EMC10: variants seen among roughly 807,000 people sequenced by gnomAD.
EMC10 encodes the protein ER membrane protein complex subunit 10.
A neutral mutation model predicts 32.2 loss-of-function variants in EMC10; 40 were observed. The ratio of observed to expected loss-of-function variants is 1.24; its 90% CI spans 0.96 to 1.61. The LOEUF (loss-of-function observed/expected upper bound fraction) is 1.61. Ranked by LOEUF, EMC10 falls within the 40% of genes most tolerant of loss-of-function variation. The pLI is 0.00. For synonymous variants in EMC10, 178 were observed against 158.4 expected (o/e 1.12, Z -0.93); for missense variants, 402 against 357.7 (o/e 1.12, Z -1.00).
rs1328408638 is a variant in EMC10, at chr19:50,480,025, G to A, written c.298-86G>A. ...CGTGAGGTGGGTGGGGCTGGAGAGG[G>A]GCCTTCGCGGAGGCCTGGTGGGCAT... On this transcript the variant is annotated intron_variant, in intron 3 of 6. Coordinates refer to ENST00000334976, the MANE Select transcript of EMC10 (RefSeq NM_206538.4). This position sits in a 1 kb window ranked among gnomAD's most constrained non-coding sequence, Gnocchi z 4.4. 1 of 1,075,948 alleles carries A rather than the reference G, an allele frequency of 9.3e-7. No individual in the cohort carries two copies. Among genetic ancestry groups the A allele is most frequent in the East Asian group, 2.6e-5 (1 of 37,760 alleles). The allele number at this position is 1,075,948 out of a possible 1,614,324, so 66.7% of individuals were successfully genotyped here. A position where few individuals can be genotyped will look rare whatever the true frequency, so the allele number is the denominator to read the frequency against.
At chr19:50,479,168 C>T (rs2040278569) in intron 3 of EMC10, 102 bp downstream of exon 3, 4 of 885,732 alleles carry the variant, frequency 4.5e-6, no homozygotes, top group Non-Finnish European at 7.0e-6. Flanking sequence ...CCCTCCAGGC[C>T]CAGGTGGGCT....
chr19:50,481,974 C>T (rs780400883), intron 6 of EMC10, 175 bp from the exon 7 acceptor site: 1 of 1,606,260 alleles, frequency 6.2e-7, no homozygotes, highest in Non-Finnish European at 8.5e-7. Flanking sequence ...CTGCCCCTCC[C>T]TGCGCCCCAC....
At chr19:50,481,808 C>T in intron 6 of EMC10, 1 of 1,482,070 alleles carries the variant, frequency 6.7e-7, no homozygotes, top group East Asian at 2.5e-5. Flanking sequence ...CCTGCTGGCC[C>T]TCAGGCCCCA....
In EMC10 at chr19:50,479,028, C is replaced by G. The variant is rs1008544115; in HGVS notation, c.259C>G (p.Gln87Glu). 6.2e-7 allele frequency: 1 copy of G among 1,610,422 alleles called. No homozygotes were observed. Among genetic ancestry groups the G allele is most frequent in the Non-Finnish European group, 8.5e-7 (1 of 1,179,236 alleles). The change falls in exon 3 of 7, where the codon CAG becomes GAG. Residue 87 changes from glutamine to glutamate, a missense_variant. Transcript: ENST00000334976. ...NQQDGTLSLS[Q>E]RQLSEEERGR... Reference sequence around the variant, plus strand: ...GCAGGATGGTACCTTGTCCCTGTCACAGCGGCAGCTCAGCGAGGAGGAGCG... The same window carrying G: ...GCAGGATGGTACCTTGTCCCTGTCAGAGCGGCAGCTCAGCGAGGAGGAGCG...
chr19:50,476,708 G>A (rs1361372129), intron 1 of EMC10, 50 bp downstream of exon 1: 24 of 1,189,052 alleles, frequency 2.0e-5, no homozygotes, highest in Non-Finnish European at 2.7e-5. Flanking sequence ...GGATGTCGCA[G>A]GTCTTGGGTC....
rs757900491 is a variant in EMC10 at position 50,476,519 on chromosome 19, C to T, written c.-26C>T. 9.6e-6 allele frequency: 15 copies of T among 1,569,354 alleles called. No homozygotes were observed. The highest frequency in any genetic ancestry group is 9.4e-5 in the East Asian group (4 of 42,472). ...TCCGCGGCTCTTGGCTCACAGCCGT[C>T]CCTTCGCTGGTGGGAAGAAGCCGAG... On this transcript the variant is annotated 5_prime_UTR_variant, in exon 1 of 7. Transcript: ENST00000334976.
At position 50,480,541 on chromosome 19, in the gene EMC10, A is replaced by C. The variant is rs2122660574; in HGVS notation, c.403-40A>C. 1 of 1,542,172 alleles carries C rather than the reference A, an allele frequency of 6.5e-7. No individual in the cohort carries two copies. The highest frequency in any genetic ancestry group is 2.4e-5 in the East Asian group (1 of 40,852). ...GGGGAGGTTAGGGTGGAGCCCAGGC[A>C]GCAGGCTCCCCACCTCCACTGACCC... On this transcript the variant is annotated intron_variant, in intron 4 of 6. Transcript: ENST00000334976. The surrounding 1 kb of genome is among the most constrained non-coding windows in gnomAD (Gnocchi z 4.4).
Position 50,480,191 on chromosome 19 carries a change from C to T in EMC10, c.378C>T (p.Gly126=), listed in dbSNP as rs2040295056. 6.2e-7 allele frequency: 1 copy of T among 1,613,912 alleles called. No homozygotes were observed. The highest frequency in any genetic ancestry group is 8.5e-7 in the Non-Finnish European group (1 of 1,179,942). The change falls in exon 4 of 7, where the codon GGC becomes GGT. Residue 126 remains glycine (G), a synonymous_variant. Transcript: ENST00000334976. This position sits in a 1 kb window ranked among gnomAD's most constrained non-coding sequence, Gnocchi z 4.4. ...CCCTGGATGGCCTGGAAGCTGGTGG[C>T]TATGTCTCCTCCTTTGTCCCTGCGG... ...PGALDGLEAG[G]YVSSFVPACS...
Position 50,482,567 on chromosome 19 carries a change from C to G in EMC10, c.*308C>G. 7 of 532,692 alleles carry G rather than the reference C, an allele frequency of 1.3e-5. No homozygotes were observed. Among genetic ancestry groups the G allele is most frequent in the Non-Finnish European group, 2.3e-5 (7 of 303,390 alleles). The allele number at this position is 532,692 out of a possible 1,614,324, so 33.0% of individuals were successfully genotyped here. The stretch of plus-strand genomic sequence containing the variant: ...TCCTGGCCACTATGCCAGTTCTGAC[C>G]TCGCATCCCCCTACCCCGAGCCCAT... On this transcript the variant is annotated 3_prime_UTR_variant, in exon 7 of 7. Transcript: ENST00000334976.
chr19:50,482,437 G>T lies in EMC10; in HGVS notation c.*178G>T. ...CCTTCTGCTGGCAGAGGAGCAGCTG[G>T]ACTGGGGCCTTTGGCACAGCAGCCG... On this transcript the variant is annotated 3_prime_UTR_variant, in exon 7 of 7. Coordinates refer to ENST00000334976, the MANE Select transcript of EMC10 (RefSeq NM_206538.4). The T allele has an allele frequency of 1.7e-6, 1 of 591,840 alleles. No homozygotes were observed. Among genetic ancestry groups the T allele is most frequent in the South Asian group, 2.0e-5 (1 of 49,680 alleles). 36.7% of individuals were successfully genotyped at this position (591,840 alleles called of 1,614,324 possible). A position where few individuals can be genotyped will look rare whatever the true frequency, so the allele number is the denominator to read the frequency against.
intron 6 of EMC10, chr19:50,481,931 C>A (rs370195879): frequency 6.2e-7 from 1 of 1,607,078 alleles, no homozygotes; most frequent in Admixed American, 1.7e-5. Flanking sequence ...CCCGCGCCAC[C>A]GCCACAGGAG....
Position 50,480,498 on chromosome 19 carries a change from G to C in EMC10, c.403-83G>C. On this transcript the variant is annotated intron_variant, in intron 4 of 6. Transcript: ENST00000334976. The surrounding 1 kb of genome is among the most constrained non-coding windows in gnomAD (Gnocchi z 4.4). ...GAAGGTTTTGAAAAATGCTCCGGGG[G>C]TCCTGTGGTGGGGGCCGGGGGAGGT... 1 of 1,468,132 alleles carries C rather than the reference G, an allele frequency of 6.8e-7. No individual in the cohort carries two copies. The highest frequency in any genetic ancestry group is 9.2e-7 in the Non-Finnish European group (1 of 1,089,588). The allele number at this position is 1,468,132 out of a possible 1,614,324, so 90.9% of individuals were successfully genotyped here.
chr19:50,481,080 T>G, intron 6 of EMC10, 103 bp downstream of exon 6: 1 of 854,760 alleles, frequency 1.2e-6, no homozygotes. Context: ...TGCTCGGGCC[T>G]GCTCCTTGTC....
chr19:50,482,721 T>C lies in EMC10; in HGVS notation c.*462T>C, dbSNP rs922199805. On this transcript the variant is annotated 3_prime_UTR_variant, in exon 7 of 7. Transcript: ENST00000334976. Reference sequence around the variant, plus strand: ...TGCAGCGCCCCCCTCACTTTGACACTGGACTAGGATGCAGCCTCCCTTCTG... The same window carrying C: ...TGCAGCGCCCCCCTCACTTTGACACCGGACTAGGATGCAGCCTCCCTTCTG... The C allele has an allele frequency of 4.4e-5, 21 of 476,038 alleles. No individual in the cohort carries two copies. In the Admixed American group the frequency reaches 4.9e-4, roughly 11 times the overall value. The allele number at this position is 476,038 out of a possible 1,614,324, so 29.5% of individuals were successfully genotyped here.
intron 1 of EMC10, chr19:50,476,908 C>A: frequency 2.8e-6 from 1 of 360,848 alleles, no homozygotes; most frequent in Non-Finnish European, 5.0e-6. Context: ...TATGAGGGGG[C>A]GGGGCTGGGG....
In EMC10 at chr19:50,490,669, T is replaced by G. The variant is rs1978587813; in HGVS notation, c.*8410T>G. The G allele has an allele frequency of 6.6e-6, 1 of 152,064 alleles. No homozygotes were observed. Among genetic ancestry groups the G allele is most frequent in the African/African-American group, 2.4e-5 (1 of 41,374 alleles). 9.4% of individuals were successfully genotyped at this position (152,064 alleles called of 1,614,324 possible). A position where few individuals can be genotyped will look rare whatever the true frequency, so the allele number is the denominator to read the frequency against. ...GGCTCGGAGGAACATGCCCTCCGCC[T>G]AGTCCCTGACATCCTTTTCACATCC... On this transcript the variant is annotated 3_prime_UTR_variant, in exon 7 of 7. Coordinates refer to ENST00000334976, the MANE Select transcript of EMC10 (RefSeq NM_206538.4).
At chr19:50,481,964 CT>C (rs2040326705) in intron 6 of EMC10, 184 bp from the exon 7 acceptor site, 2 of 1,607,052 alleles carry the variant, frequency 1.2e-6, no homozygotes, top group African/African-American at 2.7e-5. Flanking sequence ...ACCGAGACCC[CT>C]GCCCCTCCCT....
Position 50,482,135 on chromosome 19 carries a change from C to A in EMC10, c.679-14C>A. Reference sequence around the variant, plus strand: ...TTTCTGTGTCTGTCTGTCCATCCTTCCGTCCGGCTGCAGTGGATGTACATC... The same window carrying A: ...TTTCTGTGTCTGTCTGTCCATCCTTACGTCCGGCTGCAGTGGATGTACATC... On this transcript the variant is annotated splice_polypyrimidine_tract_variant and intron_variant, in intron 6 of 6. Coordinates refer to ENST00000334976, the MANE Select transcript of EMC10 (RefSeq NM_206538.4). The A allele has an allele frequency of 1.3e-6, 2 of 1,536,234 alleles. No individual in the cohort carries two copies. Among genetic ancestry groups the A allele is most frequent in the Non-Finnish European group, 1.8e-6 (2 of 1,109,244 alleles).
intron 1 of EMC10, among the ~76,000 whole-genome samples, chr19:50,477,663 A>G (rs182200642): frequency 4.6e-5 from 7 of 152,318 alleles, no homozygotes; most frequent in African/African-American, 1.7e-4. Context: ...TTGTGGCGCA[A>G]GGCTTGGAAG....
Sources: gnomAD v4.1 joint callset for allele counts (sites outside exome capture counted in the v4.1 genomes callset) on GRCh38, gnomAD v4.1.1 for gene constraint, Gnocchi (gnomAD v3.1) non-coding constraint, MANE v1.5 for transcripts, NCBI Gene and HGNC (gene_info 2026-07-23, HGNC 2026-07-21) for gene names.